PLAAT1: variants seen among roughly 807,000 people sequenced by gnomAD.
PLAAT1 encodes the protein phospholipase A and acyltransferase 1.
A neutral mutation model predicts 16.4 loss-of-function variants in PLAAT1; 13 were observed. That is an observed-to-expected ratio of 0.79 (90% CI 0.52 to 1.26). The LOEUF (loss-of-function observed/expected upper bound fraction) is 1.26. PLAAT1 is among the 50% of genes most tolerant of loss of function. The probability of loss-of-function intolerance (pLI) is 0.00; values close to 1 mark genes in which losing one functional copy is unlikely to be tolerated. For synonymous variants in PLAAT1, 73 were observed against 78.4 expected, an observed-to-expected ratio of 0.93 and a Z score of 0.36; for missense variants, 218 against 207.8, an observed-to-expected ratio of 1.05 and a Z score of -0.30.
In PLAAT1 at chr3:193,263,200, A is replaced by G. The variant is rs764086132; in HGVS notation, c.370A>G (p.Thr124Ala). ...LLVNNCEHFV[T>A]LLRYGEGVSE... ...TGTCAACAACTGTGAACATTTTGTG[A>G]CATTGCTTCGCTATGGAGAAGGAGT... Residue 124 changes from threonine to alanine, a missense_variant, in exon 3 of 4, where the codon ACA becomes GCA. By Grantham distance (58) the Thr-to-Ala change is moderately conservative. Coordinates refer to ENST00000264735, the MANE Select transcript of PLAAT1 (RefSeq NM_020386.5). 1 of 1,614,176 alleles carries G rather than the reference A, an allele frequency of 6.2e-7. No homozygotes were observed. Among genetic ancestry groups the G allele is most frequent in the Middle Eastern group, 1.6e-4 (1 of 6,062 alleles).
upstream of PLAAT1, among the ~76,000 whole-genome samples, chr3:193,240,654 C>CGCGTGTGT (rs1553803498): frequency 1.1e-5 from 1 of 88,502 alleles, no homozygotes; most frequent in African/African-American, 4.8e-5. Context: ...GGCTATCTGG[C>CGCGTGTGT]GTGTGTGTGT....
chr3:193,244,247 G>A (rs1397101608), intron 1 of PLAAT1, among the ~76,000 whole-genome samples: 1 of 151,980 alleles, frequency 6.6e-6, no homozygotes, highest in Non-Finnish European at 1.5e-5. Flanking sequence ...TATTCTCAGG[G>A]GTAAATGCCT....
At chr3:193,266,159 G>C (rs956261964) in intron 3 of PLAAT1, among the ~76,000 whole-genome samples, 1 of 152,110 alleles carries the variant, frequency 6.6e-6, no homozygotes, top group African/African-American at 2.4e-5. Context: ...GCTTTTGGAG[G>C]TGATGGATAA....
chr3:193,267,374 C>A (rs1032939716), intron 3 of PLAAT1, among the ~76,000 whole-genome samples: 3 of 147,170 alleles, frequency 2.0e-5, no homozygotes, highest in Non-Finnish European at 4.5e-5. Flanking sequence ...TCCTTCCCTG[C>A]AAATCCCTGA....
downstream of PLAAT1, among the ~76,000 whole-genome samples, chr3:193,273,504 A>T (rs1175761980): frequency 2.6e-5 from 4 of 152,224 alleles, no homozygotes; most frequent in African/African-American, 9.6e-5. Context: ...AACATTTATC[A>T]TTCCTAAAGA....
At chr3:193,261,919 A>G (rs1020532746) in intron 2 of PLAAT1, among the ~76,000 whole-genome samples, 3 of 152,200 alleles carry the variant, frequency 2.0e-5, no homozygotes, top group African/African-American at 7.2e-5. Context: ...GCAATGTGTA[A>G]GATGTTCACT....
Position 193,263,229 on chromosome 3 carries a change from A to C in PLAAT1, c.399A>C (p.Ser133=). The C allele has an allele frequency of 6.2e-7, 1 of 1,613,400 alleles. No homozygotes were observed. The highest frequency in any genetic ancestry group is 8.5e-7 in the Non-Finnish European group (1 of 1,179,478). ...VTLLRYGEGV[S]EQANRAISTV... ...TGCTTCGCTATGGAGAAGGAGTTTC[A>C]GAGCAGGTAAGTTTTCTTTAGGAGA... Residue 133 remains serine (S), a synonymous_variant, in exon 3 of 4, where the codon TCA becomes TCC. Coordinates refer to ENST00000264735, the MANE Select transcript of PLAAT1 (RefSeq NM_020386.5).
intron 1 of PLAAT1, among the ~76,000 whole-genome samples, chr3:193,252,052 T>C (rs1245948071): frequency 3.9e-5 from 6 of 152,200 alleles, no homozygotes; most frequent in Non-Finnish European, 8.8e-5. Context: ...GGAAAAGAGA[T>C]TTAATTGGCT....
chr3:193,249,118 T>G (rs1193197574), intron 1 of PLAAT1, among the ~76,000 whole-genome samples: 1 of 152,106 alleles, frequency 6.6e-6, no homozygotes, highest in Admixed American at 6.5e-5. Flanking sequence ...TTTTTTTTCT[T>G]TTAGCTCTTT....
intron 2 of PLAAT1, chr3:193,276,946 T>C (rs1717245387): frequency 1.3e-6 from 1 of 763,192 alleles, no homozygotes; most frequent in East Asian, 2.8e-5. Context: ...GTGGTGGGCA[T>C]TACTTTGTCC....
intron 1 of PLAAT1, among the ~76,000 whole-genome samples, chr3:193,245,728 A>G (rs982424357): frequency 6.6e-6 from 1 of 152,216 alleles, no homozygotes; most frequent in Non-Finnish European, 1.5e-5. Context: ...CAGCCCTTCT[A>G]ACAAGCATGA....
intron 2 of PLAAT1, among the ~76,000 whole-genome samples, chr3:193,260,404 C>G (rs1716541344): frequency 6.6e-6 from 1 of 152,096 alleles, no homozygotes; most frequent in Admixed American, 6.5e-5. Context: ...AAATTATCAA[C>G]AGAGTAAATA....
intron 3 of PLAAT1, among the ~76,000 whole-genome samples, chr3:193,264,152 TG>T (rs1716691493): frequency 6.6e-6 from 1 of 152,220 alleles, no homozygotes; most frequent in African/African-American, 2.4e-5. Flanking sequence ...TCACATTTAT[TG>T]AAGACTTCCA....
chr3:193,274,923 T>A, downstream of PLAAT1: 1 of 1,395,682 alleles, frequency 7.2e-7, no homozygotes, highest in East Asian at 2.3e-5. Flanking sequence ...ATTGAAAATA[T>A]ACTTTGAATG....
At position 193,241,277 on chromosome 3, in the gene PLAAT1, C is replaced by T; in HGVS notation, c.-257C>T. 6.5e-6 allele frequency: 8 copies of T among 1,229,668 alleles called. No homozygotes were observed. The highest frequency in any genetic ancestry group is 8.1e-6 in the Non-Finnish European group (8 of 986,720). 76.2% of individuals were successfully genotyped at this position (1,229,668 alleles called of 1,614,324 possible). A position where few individuals can be genotyped will look rare whatever the true frequency, so the allele number is the denominator to read the frequency against. Reference sequence around the variant, plus strand: ...CGGACGCCGAGCCCAGCGCGTCGGCCCCCCGGCGTGCGGGCGTCTCAGAGC... The same window carrying T: ...CGGACGCCGAGCCCAGCGCGTCGGCTCCCCGGCGTGCGGGCGTCTCAGAGC... On this transcript the variant is annotated 5_prime_UTR_variant, in exon 1 of 4. Transcript: ENST00000264735.
chr3:193,279,734 G>C (rs537697474), downstream of PLAAT1, among the ~76,000 whole-genome samples: 1 of 152,178 alleles, frequency 6.6e-6, no homozygotes, highest in South Asian at 2.1e-4. Flanking sequence ...TGCGTGTCCA[G>C]TGAGTTGTGC....
At chr3:193,280,433 T>G (rs745689789), downstream of PLAAT1, among the ~76,000 whole-genome samples, 11 of 152,226 alleles carry the variant, frequency 7.2e-5, no homozygotes, top group Non-Finnish European at 1.5e-4. Flanking sequence ...TCATATAGTA[T>G]GTATCATATT....
At chr3:193,263,288 TATG>T (rs1471175779) in intron 3 of PLAAT1, 53 bp downstream of exon 3, 2 of 1,539,690 alleles carry the variant, frequency 1.3e-6, no homozygotes, top group African/African-American at 1.4e-5. Context: ...AACTATTGGC[TATG>T]ATAAGGTTCC....
intron 1 of PLAAT1, among the ~76,000 whole-genome samples, chr3:193,241,982 CT>C (rs1322035488): frequency 6.6e-6 from 1 of 152,198 alleles, no homozygotes; most frequent in Non-Finnish European, 1.5e-5. Context: ...GCGAGGCACT[CT>C]CACCGGAGAC....
Sources: allele counts gnomAD v4.1 joint callset (sites outside exome capture counted in the v4.1 genomes callset), GRCh38; gene constraint gnomAD v4.1.1; transcripts MANE v1.5; gene names NCBI Gene and HGNC (gene_info 2026-07-23, HGNC 2026-07-21).